Variants in FOXO3 observed in about 807,000 individuals in gnomAD.
FOXO3 encodes the protein forkhead box O3.
In FOXO3, 4 loss-of-function variants were observed where a neutral mutation model predicts 41.9. The observed-to-expected ratio is 0.10, with a 90% CI of 0.05 to 0.22. FOXO3 has a LOEUF of 0.22. Ranked by LOEUF, FOXO3 falls within the 10% of genes least tolerant of loss-of-function variation. The pLI is 1.00. For synonymous variants in FOXO3, 318 were observed against 389.3 expected (o/e 0.82, Z 2.16); for missense variants, 534 against 906.8 (o/e 0.59, Z 5.28).
At chr6:108,673,214 G>T (rs1256420249) in intron 2 of FOXO3, among the ~76,000 whole-genome samples, 1 of 152,172 alleles carries the variant, frequency 6.6e-6, no homozygotes, top group Non-Finnish European at 1.5e-5. Context: ...CACTCGTCAG[G>T]TTCTACTCAG....
Position 108,664,147 on chromosome 6 carries a change from A to G in FOXO3, c.1314A>G (p.Ser438=). 1 of 1,613,956 alleles carries G rather than the reference A, an allele frequency of 6.2e-7. No homozygotes were observed. Among genetic ancestry groups the G allele is most frequent in the Non-Finnish European group, 8.5e-7 (1 of 1,179,986 alleles). The part of the protein sequence containing the change: ...SSFNSTVFGP[S]SLNSLRQSPM... ...TTAACAGCACGGTGTTCGGACCTTCATCTCTGAACTCCCTACGCCAGTCTC... is the reference window on the plus strand; with the variant it reads ...TTAACAGCACGGTGTTCGGACCTTCGTCTCTGAACTCCCTACGCCAGTCTC... The change falls in exon 2 of 3, where the codon TCA becomes TCG. Residue 438 remains serine (S), a synonymous_variant. Coordinates refer to ENST00000406360, the MANE Select transcript of FOXO3 (RefSeq NM_001455.4).
At chr6:108,638,248 G>T (rs924057062) in intron 1 of FOXO3, among the ~76,000 whole-genome samples, 1 of 152,000 alleles carries the variant, frequency 6.6e-6, no homozygotes, top group African/African-American at 2.4e-5. Flanking sequence ...TGGTAGGGGG[G>T]CCTGAGGGCC....
rs1770831656 is a variant in FOXO3 at position 108,681,106 on chromosome 6, G to A, written c.*1314G>A. On this transcript the variant is annotated 3_prime_UTR_variant, in exon 3 of 3. Transcript: ENST00000406360. Reference sequence around the variant, plus strand: ...TTTGTTGTGTTTTCAAAAAGTTATGGTGCTGTATAGGTGCTTTCTGTTTAA... The same window carrying A: ...TTTGTTGTGTTTTCAAAAAGTTATGATGCTGTATAGGTGCTTTCTGTTTAA... 1 of 152,576 alleles carries A rather than the reference G, an allele frequency of 6.6e-6. No homozygotes were observed. Among genetic ancestry groups the A allele is most frequent in the Non-Finnish European group, 1.5e-5 (1 of 68,034 alleles). The allele number at this position is 152,576 out of a possible 1,614,324, so 9.5% of individuals were successfully genotyped here.
chr6:108,682,203 A>G lies in FOXO3; in HGVS notation c.*2411A>G, dbSNP rs1176956021. The G allele has an allele frequency of 6.6e-6, 1 of 152,612 alleles. No homozygotes were observed. The highest frequency in any genetic ancestry group is 1.5e-5 in the Non-Finnish European group (1 of 68,026). The allele number at this position is 152,612 out of a possible 1,614,324, so 9.5% of individuals were successfully genotyped here. On this transcript the variant is annotated 3_prime_UTR_variant, in exon 3 of 3. Coordinates refer to ENST00000406360, the MANE Select transcript of FOXO3 (RefSeq NM_001455.4). ...TTAAAATGTTGAATTCTTTTCAGAC[A>G]TGGTATCTCATTTATTCTCCTTTTC...
At chr6:108,562,450 T>G (rs1203214784) in intron 1 of FOXO3, among the ~76,000 whole-genome samples, 2 of 152,172 alleles carry the variant, frequency 1.3e-5, no homozygotes, top group Non-Finnish European at 2.9e-5. Context: ...CCTTTTCTTC[T>G]CGGAGATGTC....
intron 1 of FOXO3, among the ~76,000 whole-genome samples, chr6:108,609,565 G>A (rs577254458): frequency 6.6e-6 from 1 of 152,284 alleles, no homozygotes; most frequent in African/African-American, 2.4e-5. Flanking sequence ...GGTTGCAGGT[G>A]GTATTGTTAA....
At chr6:108,593,285 G>C (rs1206452537) in intron 1 of FOXO3, among the ~76,000 whole-genome samples, 1 of 152,242 alleles carries the variant, frequency 6.6e-6, no homozygotes, top group Non-Finnish European at 1.5e-5. Flanking sequence ...GCTTGAAAGA[G>C]TGAGAAAAGG....
At chr6:108,653,780 C>G (rs1446332056) in intron 1 of FOXO3, among the ~76,000 whole-genome samples, 2 of 152,128 alleles carry the variant, frequency 1.3e-5, no homozygotes, top group Non-Finnish European at 2.9e-5. Flanking sequence ...AAAGGTGCAG[C>G]CTTATTTTGT....
At position 108,683,718 on chromosome 6, in the gene FOXO3, C is replaced by T. The variant is rs547322090; in HGVS notation, c.*3926C>T. The T allele has an allele frequency of 4.6e-5, 7 of 151,564 alleles. No individual in the cohort carries two copies. The East Asian group carries it at 1.4e-3, about 29-fold the overall frequency. 9.4% of individuals were successfully genotyped at this position (151,564 alleles called of 1,614,324 possible). A position where few individuals can be genotyped will look rare whatever the true frequency, so the allele number is the denominator to read the frequency against. On this transcript the variant is annotated 3_prime_UTR_variant, in exon 3 of 3. Transcript: ENST00000406360. ...AAAAAAAAAATGTTACTCATCCTCT[C>T]TGAAAGCAAAAAGGAAACCCTAACA...
At position 108,659,721 on chromosome 6, in the gene FOXO3, C is replaced by T. The variant is rs546837935; in HGVS notation, c.622-3734C>T. Among the ~76,000 whole-genome samples the T allele has an allele frequency of 6.6e-5, 10 of 152,188 alleles. No individual in the cohort carries two copies. In the South Asian group the frequency reaches 1.9e-3, roughly 28 times the overall value. ...CACCCGAACACCCTGTGGTTATGGC[C>T]CTGGATGTGGGTGTTCCAGCCCCTT... On this transcript the variant is annotated intron_variant, in intron 1 of 2. Transcript: ENST00000406360.
rs141019130 is a variant in FOXO3, at chr6:108,678,235, A to G, written c.*35-1592A>G. Reference sequence around the variant, plus strand: ...CTGATGACCCTACGGTACAACCTCTAAAGGTGGGAGAAGCAGATGTATATA... The same window carrying G: ...CTGATGACCCTACGGTACAACCTCTGAAGGTGGGAGAAGCAGATGTATATA... On this transcript the variant is annotated intron_variant, in intron 2 of 2. Transcript: ENST00000406360. Among the ~76,000 whole-genome samples, 167 of 152,342 alleles carry G rather than the reference A, an allele frequency of 1.1e-3. No individual in the cohort carries two copies. The South Asian group carries it at 0.016, about 15-fold the overall frequency.
chr6:108,626,543 C>G (rs1777818392), intron 1 of FOXO3, among the ~76,000 whole-genome samples: 1 of 151,924 alleles, frequency 6.6e-6, no homozygotes, highest in Admixed American at 6.6e-5. Context: ...AGAAAATCGG[C>G]TTATAAGTTA....
chr6:108,610,676 C>G (rs935655219), intron 1 of FOXO3, among the ~76,000 whole-genome samples: 1 of 152,198 alleles, frequency 6.6e-6, no homozygotes. Context: ...CCCCATTTTC[C>G]TATCGCCCAC....
At chr6:108,627,385 G>GC (rs1044991143) in intron 1 of FOXO3, among the ~76,000 whole-genome samples, 1 of 151,994 alleles carries the variant, frequency 6.6e-6, no homozygotes, top group Non-Finnish European at 1.5e-5. Context: ...GCTGAATGGG[G>GC]GTATGAAAAC....
intron 1 of FOXO3, among the ~76,000 whole-genome samples, chr6:108,645,456 T>G (rs573503277): frequency 6.7e-6 from 1 of 148,488 alleles, no homozygotes; most frequent in South Asian, 2.3e-4. Context: ...TCCCCAGAAT[T>G]GCTTTTTTTT....
rs551762836 is a variant in FOXO3, at chr6:108,656,145, A to C, written c.622-7310A>C. Reference sequence around the variant, plus strand: ...CACCCCACCCCACCTCAAAAAAAAAAAGAGAGAGGAGGGGGTTGTCTTTAA... The same window carrying C: ...CACCCCACCCCACCTCAAAAAAAAACAGAGAGAGGAGGGGGTTGTCTTTAA... On this transcript the variant is annotated intron_variant, in intron 1 of 2. Transcript: ENST00000406360. 1.5e-3 allele frequency among the ~76,000 whole-genome samples: 232 copies of C among 151,984 alleles called. 1 individual carries two copies. Among genetic ancestry groups the C allele is most frequent in the Admixed American group, 0.013 (205 of 15,248 alleles).
intron 1 of FOXO3, among the ~76,000 whole-genome samples, chr6:108,578,352 CT>C (rs2128359278): frequency 6.6e-6 from 1 of 152,318 alleles, no homozygotes; most frequent in Non-Finnish European, 1.5e-5. Context: ...AGTAAAAAAT[CT>C]TAACGTCGCT....
chr6:108,617,705 A>G (rs541074277), intron 1 of FOXO3, among the ~76,000 whole-genome samples: 2 of 152,224 alleles, frequency 1.3e-5, no homozygotes, highest in East Asian at 1.9e-4. Context: ...TGAGCATGCC[A>G]CTAATGGAGA....
chr6:108,663,163 A>G (rs1778921649), intron 1 of FOXO3, among the ~76,000 whole-genome samples: 1 of 152,154 alleles, frequency 6.6e-6, no homozygotes, highest in South Asian at 2.1e-4. Context: ...TCTTGAGTCC[A>G]GGAGTTTGAG....
Sources: allele counts gnomAD v4.1 joint callset (sites outside exome capture counted in the v4.1 genomes callset), GRCh38; gene constraint gnomAD v4.1.1; transcripts MANE v1.5; gene names NCBI Gene and HGNC (gene_info 2026-07-23, HGNC 2026-07-21).